Variants in ABCC8 observed in about 807,000 individuals in gnomAD.
The protein encoded by ABCC8 is ATP-binding cassette sub-family C member 8.
In ABCC8, 137 loss-of-function variants were observed where a neutral mutation model predicts 188.0. The ratio of observed to expected loss-of-function variants is 0.73; its 90% CI spans 0.63 to 0.84. The LOEUF is 0.84. ABCC8 is among the 40% of genes least tolerant of loss of function. ABCC8 has a pLI of 0.00. For missense variants in ABCC8, 1,750 were observed against 2,072.7 expected (o/e 0.84, Z 3.02); for synonymous variants, 797 against 846.5 (o/e 0.94, Z 1.01).
At chr11:17,448,309 C>T in intron 8 of ABCC8, 1 of 600,362 alleles carries the variant, frequency 1.7e-6, no homozygotes, top group Non-Finnish European at 3.0e-6. Flanking sequence ...ATACTGCCTT[C>T]TCTGGTCATT....
chr11:17,404,422 A>G lies in ABCC8; in HGVS notation c.3557+90T>C, dbSNP rs187167525. The G allele has an allele frequency of 7.5e-6, 10 of 1,331,794 alleles. No individual in the cohort carries two copies. In the Admixed American group the frequency reaches 1.5e-4, roughly 20 times the overall value. 82.5% of individuals were successfully genotyped at this position (1,331,794 alleles called of 1,614,324 possible). A position where few individuals can be genotyped will look rare whatever the true frequency, so the allele number is the denominator to read the frequency against. On this transcript the variant is annotated intron_variant, in intron 28 of 38. Coordinates refer to ENST00000389817, the MANE Select transcript of ABCC8 (RefSeq NM_000352.6). This position sits in a 1 kb window ranked among gnomAD's most constrained non-coding sequence, Gnocchi z 4.7. ...GTTTTTATTTTTTGGAGGGAACACGACCCTATTACTCTCATAACGATGAGT... is the reference window on the plus strand; with the variant it reads ...GTTTTTATTTTTTGGAGGGAACACGGCCCTATTACTCTCATAACGATGAGT...
At chr11:17,470,290 T>A (rs1848411879) in intron 2 of ABCC8, 68 bp from the exon 3 acceptor site, 2 of 1,608,822 alleles carry the variant, frequency 1.2e-6, no homozygotes, top group African/African-American at 1.3e-5. Flanking sequence ...AGCCCAGGCC[T>A]TGAATTTCAA....
chr11:17,425,214 C>A (rs975159414), intron 16 of ABCC8, among the ~76,000 whole-genome samples: 2 of 152,206 alleles, frequency 1.3e-5, no homozygotes, highest in Non-Finnish European at 2.9e-5. Flanking sequence ...CCTCTGCCCC[C>A]AAAGACATCA....
Position 17,430,978 on chromosome 11 carries a change from G to A in ABCC8, c.1672-19C>T, listed in dbSNP as rs776591974. On this transcript the variant is annotated intron_variant, in intron 11 of 38. Coordinates refer to ENST00000389817, the MANE Select transcript of ABCC8 (RefSeq NM_000352.6). ...CGAAAGTCTGTGGACAGAGGCACAA[G>A]TGAGGCCAGGGTGGCCCAGGGTGTG... 16 of 1,613,340 alleles carry A rather than the reference G, an allele frequency of 9.9e-6. 1 individual carries two copies. The South Asian group carries it at 1.5e-4, about 16-fold the overall frequency.
At chr11:17,418,491 A>T (rs914146381) in intron 16 of ABCC8, among the ~76,000 whole-genome samples, 1 of 152,106 alleles carries the variant, frequency 6.6e-6, no homozygotes, top group African/African-American at 2.4e-5. Flanking sequence ...GATGGCTGTA[A>T]TTTACAATTT....
rs780973811 is a variant in ABCC8 at position 17,427,085 on chromosome 11, T to C, written c.2186A>G (p.Glu729Gly). The C allele has an allele frequency of 6.2e-7, 1 of 1,613,762 alleles. No individual in the cohort carries two copies. The highest frequency in any genetic ancestry group is 8.5e-7 in the Non-Finnish European group (1 of 1,179,898). ...KSSLLLAALG[E>G]MQKVSGAVFW... is the part of the protein sequence containing the mutation. The stretch of plus-strand genomic sequence containing the variant: ...GACAGCCCCTGAGACCTTCTGCATC[T>C]CCCCCAGTGCGGCTAGAAGGAGCGA... The change falls in exon 16 of 39, where the codon GAG (glutamate) becomes GGG (glycine). Residue 729 changes from glutamate (E) to glycine (G), a missense_variant. Coordinates refer to ENST00000389817, the MANE Select transcript of ABCC8 (RefSeq NM_000352.6). This position sits in a 1 kb window ranked among gnomAD's most constrained non-coding sequence, Gnocchi z 5.0.
intron 28 of ABCC8, among the ~76,000 whole-genome samples, chr11:17,403,798 T>A (rs1591734213): frequency 6.6e-6 from 1 of 152,252 alleles, no homozygotes; most frequent in Non-Finnish European, 1.5e-5. Context: ...TTTTCATTTT[T>A]AAAAAAATGC....
At chr11:17,419,709 T>C (rs944569208) in intron 16 of ABCC8, among the ~76,000 whole-genome samples, 10 of 152,184 alleles carry the variant, frequency 6.6e-5, no homozygotes, top group African/African-American at 2.4e-4. Flanking sequence ...ATAGCTGAAC[T>C]GAACCTTAAA....
intron 10 of ABCC8, chr11:17,435,593 G>C: frequency 7.3e-7 from 1 of 1,374,112 alleles, no homozygotes; most frequent in East Asian, 2.3e-5. Flanking sequence ...CTTTTCCCAG[G>C]CTGGAGATAA....
At chr11:17,453,631 T>C (rs984104188) in intron 6 of ABCC8, among the ~76,000 whole-genome samples, 26 of 152,244 alleles carry the variant, frequency 1.7e-4, no homozygotes, top group African/African-American at 6.3e-4. Flanking sequence ...ACCTAAAACC[T>C]GAACTGGTAC....
chr11:17,414,441 C>T lies in ABCC8; in HGVS notation c.2390+71G>A, dbSNP rs1050551287. The T allele has an allele frequency of 8.8e-5, 140 of 1,590,310 alleles. No homozygotes were observed. The South Asian group carries it at 9.5e-4, about 11-fold the overall frequency. On this transcript the variant is annotated intron_variant, in intron 19 of 38. Transcript: ENST00000389817. ...GGTGTGGGTGATCGATGGAGGGGCC[C>T]GGAACTGGGGCAGGCTGGCCAGAGA...
intron 7 of ABCC8, among the ~76,000 whole-genome samples, chr11:17,452,770 C>T (rs929821573): frequency 1.3e-5 from 2 of 152,182 alleles, no homozygotes; most frequent in African/African-American, 2.4e-5. Flanking sequence ...GGAACAGCCA[C>T]TTAGAGAGGA....
rs751826777 is a variant in ABCC8 at position 17,415,329 on chromosome 11, C to T, written c.2266G>A (p.Glu756Lys). ...CTGATATCCAAGTCGGTCGCTGTCT[C>T]CCGCTCTGGGCTGCAGCAGGGGAGG... ...EIGEDPSPER[E>K]TATDLDIRKR... The change falls in exon 18 of 39, where the codon GAG (glutamate) becomes AAG (lysine). Residue 756 changes from glutamate (E) to lysine (K), a missense_variant. Glu to Lys is a moderately conservative substitution (Grantham distance 56). Coordinates refer to ENST00000389817, the MANE Select transcript of ABCC8 (RefSeq NM_000352.6). 2 of 1,610,742 alleles carry T rather than the reference C, an allele frequency of 1.2e-6. No individual in the cohort carries two copies. The highest frequency in any genetic ancestry group is 1.7e-6 in the Non-Finnish European group (2 of 1,179,048).
intron 1 of ABCC8, 35 bp downstream of exon 1, chr11:17,476,594 C>A (rs1848791006): frequency 1.9e-6 from 3 of 1,605,062 alleles, no homozygotes; most frequent in South Asian, 2.2e-5. Flanking sequence ...CCTGCTCTCC[C>A]GTCCCCTCCT....
At chr11:17,441,830 C>T (rs781212376) in intron 10 of ABCC8, among the ~76,000 whole-genome samples, 10 of 152,154 alleles carry the variant, frequency 6.6e-5, no homozygotes, top group Non-Finnish European at 1.2e-4. Context: ...GCATGTAATT[C>T]CAGCACTTTG....
intron 10 of ABCC8, among the ~76,000 whole-genome samples, chr11:17,436,379 C>T (rs1326804206): frequency 6.6e-6 from 1 of 152,054 alleles, no homozygotes; most frequent in Non-Finnish European, 1.5e-5. Context: ...GGGAGCTGGG[C>T]ATACAGCTGT....
intron 10 of ABCC8, among the ~76,000 whole-genome samples, chr11:17,435,215 T>C (rs79530690): frequency 1.3e-5 from 2 of 152,066 alleles, no homozygotes; most frequent in Non-Finnish European, 2.9e-5. Flanking sequence ...TGCGTAGGTG[T>C]TAATGGCCTG....
intron 23 of ABCC8, 164 bp from the exon 24 acceptor site, chr11:17,407,617 G>A (rs188607903): frequency 1.2e-6 from 1 of 804,744 alleles, no homozygotes; most frequent in African/African-American, 1.9e-5. Flanking sequence ...CCAGGATTTA[G>A]TCCTTCCCCT....
intron 27 of ABCC8, 77 bp downstream of exon 27, chr11:17,405,417 C>G (rs1052534437): frequency 1.2e-6 from 2 of 1,603,402 alleles, no homozygotes; most frequent in African/African-American, 2.7e-5. Context: ...CTGGGGAACC[C>G]AGCCTCAGAC....
Sources: gnomAD v4.1 joint callset for allele counts (sites outside exome capture counted in the v4.1 genomes callset) on GRCh38, gnomAD v4.1.1 for gene constraint, Gnocchi (gnomAD v3.1) non-coding constraint, MANE v1.5 for transcripts, NCBI Gene and HGNC (gene_info 2026-07-23, HGNC 2026-07-21) for gene names.